CWH43: variants seen among roughly 807,000 people sequenced by gnomAD.
CWH43 encodes the protein cell wall biogenesis 43 C-terminal homolog, also known as PGAP2-interacting protein.
A neutral mutation model predicts 85.7 loss-of-function variants in CWH43; 91 were observed. The observed-to-expected ratio is 1.06, with a 90% CI of 0.90 to 1.26. The LOEUF (loss-of-function observed/expected upper bound fraction) is 1.26. CWH43 is among the 50% of genes most tolerant of loss of function. The pLI, the probability that CWH43 is intolerant of heterozygous loss-of-function variation, is 0.00. For synonymous variants in CWH43, 323 were observed against 293.6 expected (o/e 1.10, Z -1.02); for missense variants, 869 against 839.2 (o/e 1.04, Z -0.44).
intron 12 of CWH43, among the ~76,000 whole-genome samples, chr4:49,035,503 C>T (rs1784237525): frequency 6.6e-6 from 1 of 152,192 alleles, no homozygotes; most frequent in South Asian, 2.1e-4. Flanking sequence ...TAGTCTGACA[C>T]TATGTGACAC....
At chr4:49,055,242 T>C (rs1455590652) in intron 15 of CWH43, among the ~76,000 whole-genome samples, 3 of 152,208 alleles carry the variant, frequency 2.0e-5, no homozygotes, top group Non-Finnish European at 4.4e-5. Context: ...CAGATGCTTT[T>C]TCTGCATCTA....
chr4:49,048,132 T>C (rs1290663164), intron 14 of CWH43, among the ~76,000 whole-genome samples: 1 of 152,150 alleles, frequency 6.6e-6, no homozygotes, highest in Admixed American at 6.5e-5. Context: ...ACTTTTCATA[T>C]AGGCTGAAAT....
chr4:49,023,566 G>A lies in CWH43; in HGVS notation c.1267-5063G>A, dbSNP rs150303053. Among the ~76,000 whole-genome samples the A allele has an allele frequency of 2.9e-3, 448 of 152,084 alleles. 1 individual carries two copies. The highest frequency in any genetic ancestry group is 0.027 in the Middle Eastern group (8 of 294). ...AATTTTGTATTTTTAGTAGAGATGG[G>A]GTTTCGCCCCATGTTGGTCCGGCTG... On this transcript the variant is annotated intron_variant, in intron 9 of 15. Coordinates refer to ENST00000226432, the MANE Select transcript of CWH43 (RefSeq NM_025087.3).
intron 8 of CWH43, among the ~76,000 whole-genome samples, chr4:49,014,410 G>C (rs1376863495): frequency 2.0e-5 from 3 of 147,904 alleles, no homozygotes; most frequent in African/African-American, 7.7e-5. Context: ...AGGCTGCAGT[G>C]ATGGTGCCAC....
intron 8 of CWH43, among the ~76,000 whole-genome samples, chr4:49,015,862 A>G (rs1783526897): frequency 6.6e-6 from 1 of 152,018 alleles, no homozygotes; most frequent in Non-Finnish European, 1.5e-5. Context: ...TTTCTTTTCA[A>G]AATTTTCTGA....
At chr4:48,991,712 C>A (rs924976149) in intron 3 of CWH43, 138 bp downstream of exon 3, 6 of 1,068,410 alleles carry the variant, frequency 5.6e-6, no homozygotes, top group Middle Eastern at 3.1e-4. Flanking sequence ...TTCCTTTTCC[C>A]AAAACAAGGA....
chr4:49,044,246 C>T (rs569365742), intron 13 of CWH43, among the ~76,000 whole-genome samples: 2 of 152,302 alleles, frequency 1.3e-5, no homozygotes, highest in African/African-American at 4.8e-5. Context: ...GATTGCTCCC[C>T]AGATGTTCTT....
intron 7 of CWH43, among the ~76,000 whole-genome samples, chr4:49,004,457 G>C (rs760074855): frequency 1.3e-5 from 2 of 152,176 alleles, no homozygotes; most frequent in African/African-American, 4.8e-5. Context: ...TGTGATCACA[G>C]CTCACTGCAG....
Position 48,992,200 on chromosome 4 carries a change from A to G in CWH43, c.511+110A>G. 1.6e-5 allele frequency: 15 copies of G among 952,938 alleles called. No individual in the cohort carries two copies. In the South Asian group the frequency reaches 2.6e-4, roughly 16 times the overall value. 59.0% of individuals were successfully genotyped at this position (952,938 alleles called of 1,614,324 possible). A position where few individuals can be genotyped will look rare whatever the true frequency, so the allele number is the denominator to read the frequency against. On this transcript the variant is annotated intron_variant, in intron 4 of 15. Coordinates refer to ENST00000226432, the MANE Select transcript of CWH43 (RefSeq NM_025087.3). This position sits in a 1 kb window ranked among gnomAD's most constrained non-coding sequence, Gnocchi z 4.3. ...AAAGTAGTCTTTCTGCATTATATCT[A>G]TATTTCAGCTTTTTCTTCCTCTGAA...
chr4:49,054,666 G>A (rs1461098536), intron 15 of CWH43, among the ~76,000 whole-genome samples: 3 of 151,868 alleles, frequency 2.0e-5, no homozygotes, highest in Non-Finnish European at 4.4e-5. Context: ...ATTAATTTGT[G>A]GTCTTCAATT....
At position 49,011,716 on chromosome 4, in the gene CWH43, T is replaced by G. The variant is rs1272783832; in HGVS notation, c.1186+4390T>G. On this transcript the variant is annotated intron_variant, in intron 8 of 15. Coordinates refer to ENST00000226432, the MANE Select transcript of CWH43 (RefSeq NM_025087.3). ...TCTCAGCATTTGCTTGTCTGTAAAGTATTTTATTTCTCCTTCACTTATGAA... is the reference window on the plus strand; with the variant it reads ...TCTCAGCATTTGCTTGTCTGTAAAGGATTTTATTTCTCCTTCACTTATGAA... 5.3e-5 allele frequency among the ~76,000 whole-genome samples: 8 copies of G among 152,320 alleles called. No homozygotes were observed. In the Middle Eastern group the frequency reaches 0.01, roughly 194 times the overall value.
chr4:49,000,224 C>A (rs1417758900), intron 6 of CWH43, among the ~76,000 whole-genome samples: 3 of 152,116 alleles, frequency 2.0e-5, no homozygotes, highest in African/African-American at 2.4e-5. Flanking sequence ...AGGATGACAA[C>A]ATAGCAAGTG....
intron 2 of CWH43, among the ~76,000 whole-genome samples, chr4:48,990,210 C>T (rs1300524664): frequency 6.6e-6 from 1 of 152,176 alleles, no homozygotes; most frequent in Non-Finnish European, 1.5e-5. Flanking sequence ...GCTTCCTATT[C>T]CCTTTTCACT....
intron 10 of CWH43, among the ~76,000 whole-genome samples, chr4:49,030,097 A>C (rs1003537649): frequency 7.9e-5 from 12 of 152,140 alleles, no homozygotes; most frequent in Non-Finnish European, 5.9e-5. Context: ...GGCCCCCTTC[A>C]TGGGTCAGAG....
In CWH43 at chr4:49,032,579, T is replaced by C; in HGVS notation, c.1522T>C (p.Ser508Pro). 1 of 1,614,002 alleles carries C rather than the reference T, an allele frequency of 6.2e-7. No homozygotes were observed. The highest frequency in any genetic ancestry group is 8.5e-7 in the Non-Finnish European group (1 of 1,179,912). Residue 508 changes from serine (S) to proline (P), a missense_variant, in exon 12 of 16, where the codon TCA becomes CCA. Ser to Pro is a moderately conservative substitution (Grantham distance 74). Around this residue, in one of 3 missense-constraint regions of CWH43, gnomAD observed 577 missense variants for 513.1 expected, o/e 1.12. Coordinates refer to ENST00000226432, the MANE Select transcript of CWH43 (RefSeq NM_025087.3). ...RYHTWGIMAL[S>P]RYPIVKSEHH... Reference sequence around the variant, plus strand: ...ATTCCAATACAGGATTATGGCTTTGTCAAGATACCCAATTGTGAAATCTGA... The same window carrying C: ...ATTCCAATACAGGATTATGGCTTTGCCAAGATACCCAATTGTGAAATCTGA...
intron 8 of CWH43, among the ~76,000 whole-genome samples, chr4:49,010,815 A>T (rs1783333444): frequency 1.3e-5 from 2 of 152,066 alleles, no homozygotes; most frequent in African/African-American, 4.8e-5. Context: ...CTGAATTCTA[A>T]TTTCATTGCA....
chr4:49,027,469 G>T lies in CWH43; in HGVS notation c.1267-1160G>T, dbSNP rs373945516. Among the ~76,000 whole-genome samples the T allele has an allele frequency of 3.9e-5, 6 of 152,262 alleles. No individual in the cohort carries two copies. The East Asian group carries it at 7.7e-4, about 20-fold the overall frequency. On this transcript the variant is annotated intron_variant, in intron 9 of 15. Transcript: ENST00000226432. ...GCATGATAAATATAATATGTCTCTT[G>T]AAATCTCTGTTGATGGTTCTCCTTT...
chr4:49,010,543 C>A (rs1783324395), intron 8 of CWH43, among the ~76,000 whole-genome samples: 1 of 152,070 alleles, frequency 6.6e-6, no homozygotes, highest in South Asian at 2.1e-4. Context: ...GCTCTTGCTT[C>A]TCTAGCTCTT....
intron 6 of CWH43, among the ~76,000 whole-genome samples, chr4:49,001,444 T>G (rs1022551166): frequency 6.6e-6 from 1 of 152,046 alleles, no homozygotes; most frequent in Non-Finnish European, 1.5e-5. Flanking sequence ...ATGAAAAAGG[T>G]AAAGTGACTA....
Sources: allele counts gnomAD v4.1 joint callset (sites outside exome capture counted in the v4.1 genomes callset), GRCh38; gene constraint gnomAD v4.1.1; regional missense constraint gnomAD v4.1.1; non-coding constraint Gnocchi (gnomAD v3.1); transcripts MANE v1.5; gene names NCBI Gene and HGNC (gene_info 2026-07-23, HGNC 2026-07-21).